The following PIDD1 variants were observed in gnomAD, a reference collection of about 807,000 sequenced individuals.
PIDD1 encodes the protein p53-induced death domain protein 1.
Under a neutral mutation model 80.0 loss-of-function variants are expected in PIDD1, and 72 were observed. The observed-to-expected ratio is 0.90, with a 90% CI of 0.74 to 1.09. The LOEUF (loss-of-function observed/expected upper bound fraction) is 1.09. Among genes scored for constraint, PIDD1 ranks in the 50% least tolerant of loss-of-function variants. PIDD1 has a pLI of 0.00. For missense variants in PIDD1, 1,329 were observed against 1,228.3 expected (o/e 1.08, Z -1.23); for synonymous variants, 655 against 543.5 (o/e 1.21, Z -2.85).
intron 2 of PIDD1, 182 bp downstream of exon 2, chr11:803,912 G>T (rs573251634): frequency 5.6e-6 from 4 of 716,346 alleles, no homozygotes; most frequent in South Asian, 3.8e-5. Flanking sequence ...CACACTGGGG[G>T]TGGTGATCAC....
chr11:801,187 G>C (rs1439724085), intron 9 of PIDD1, 31 bp downstream of exon 9: 2 of 1,543,980 alleles, frequency 1.3e-6, no homozygotes, highest in African/African-American at 2.7e-5. Flanking sequence ...TATGGCCACA[G>C]GTCCAGGTAT....
rs151310463 is a variant in PIDD1 at position 803,447 on chromosome 11, G to T, written c.436C>A (p.Gln146Lys). 4.5e-5 allele frequency: 73 copies of T among 1,613,888 alleles called. No individual in the cohort carries two copies. The highest frequency in any genetic ancestry group is 5.8e-5 in the Non-Finnish European group (68 of 1,180,022). The change falls in exon 3 of 16, where the codon CAG becomes AAG. Residue 146 changes from glutamine (Q) to lysine (K), a missense_variant. By Grantham distance (53) the Gln-to-Lys change is moderately conservative. Transcript: ENST00000347755. Reference sequence around the variant, plus strand: ...AAGAGCGCACCCAGACCTCGCATCTGCAGGACACAGGCCGGCAGTGTCTCC... The same window carrying T: ...AAGAGCGCACCCAGACCTCGCATCTTCAGGACACAGGCCGGCAGTGTCTCC... ...SLETLPACVL[Q>K]MRGLGALLLS...
chr11:799,856 C>G lies in PIDD1; in HGVS notation c.2433G>C (p.Gly811=). 2 of 1,609,060 alleles carry G rather than the reference C, an allele frequency of 1.2e-6. No homozygotes were observed. Among genetic ancestry groups the G allele is most frequent in the Non-Finnish European group, 1.7e-6 (2 of 1,178,606 alleles). ...TGCGCTGCACCTCCCGGTAGGACACCCCCAGGTGCAGGGCCACGGCTGGCC... is the reference window on the plus strand; with the variant it reads ...TGCGCTGCACCTCCCGGTAGGACACGCCCAGGTGCAGGGCCACGGCTGGCC... ...LDWPAVALHL[G]VSYREVQRIR... The change falls in exon 15 of 16, where the codon GGG becomes GGC. Residue 811 remains glycine, a synonymous_variant. Coordinates refer to ENST00000347755, the MANE Select transcript of PIDD1 (RefSeq NM_145886.4).
At chr11:807,486 T>TA (rs1477117746), upstream of PIDD1, among the ~76,000 whole-genome samples, 4 of 112,360 alleles carry the variant, frequency 3.6e-5, no homozygotes, top group African/African-American at 7.1e-5. Flanking sequence ...CTCAAAAAAA[T>TA]AAAAAAATAG....
In PIDD1 at chr11:804,204, A is replaced by G. The variant is rs1224349761; in HGVS notation, c.185T>C (p.Leu62Pro). 6.2e-7 allele frequency: 1 copy of G among 1,613,300 alleles called. No homozygotes were observed. The highest frequency in any genetic ancestry group is 1.7e-5 in the Admixed American group (1 of 60,010). ...HLCVQQPLQL[L>P]QVEFLRLSTH... ...GCTCAGACGCAAGAATTCCACCTGC[A>G]GCAGCTGCAGAGGCTGCTGGACACA... The change falls in exon 2 of 16, where the codon CTG becomes CCG. Residue 62 changes from leucine (L) to proline (P), a missense_variant. Physicochemically the swap from Leu to Pro is moderately conservative, Grantham distance 98. Transcript: ENST00000347755.
upstream of PIDD1, among the ~76,000 whole-genome samples, chr11:806,734 C>G (rs1396715725): frequency 1.3e-5 from 2 of 152,002 alleles, no homozygotes; most frequent in South Asian, 4.1e-4. Flanking sequence ...AGGCGCCCAC[C>G]ACCACGCCCG....
In PIDD1 at chr11:805,206, G is replaced by A. The variant is rs60508304; in HGVS notation, c.-103C>T. On this transcript the variant is annotated 5_prime_UTR_variant, in exon 1 of 16. Transcript: ENST00000347755. ...GCGCTGCAGGCGGCGCGCAAAGGGTGGCTGCTCAGCGGGCGCTCGGCGCCT... is the reference window on the plus strand; with the variant it reads ...GCGCTGCAGGCGGCGCGCAAAGGGTAGCTGCTCAGCGGGCGCTCGGCGCCT... The A allele has an allele frequency of 3.1e-6, 3 of 983,132 alleles. No individual in the cohort carries two copies. The highest frequency in any genetic ancestry group is 2.4e-6 in the Non-Finnish European group (2 of 828,000). The allele number at this position is 983,132 out of a possible 1,614,324, so 60.9% of individuals were successfully genotyped here.
chr11:800,824 T>C lies in PIDD1; in HGVS notation c.1855A>G (p.Ile619Val). 1.3e-6 allele frequency: 2 copies of C among 1,564,360 alleles called. No individual in the cohort carries two copies. The highest frequency in any genetic ancestry group is 1.7e-6 in the Non-Finnish European group (2 of 1,154,940). The change falls in exon 11 of 16, where the codon ATC becomes GTC. Residue 619 changes from isoleucine (I) to valine (V), a missense_variant. Ile to Val is a conservative substitution (Grantham distance 29, BLOSUM62 3). Transcript: ENST00000347755. Reference sequence around the variant, plus strand: ...GGGTCCCGGCGCCGCTGCAGAGCGATGAGGTTCACACGGTGCAGCCGCAGC... The same window carrying C: ...GGGTCCCGGCGCCGCTGCAGAGCGACGAGGTTCACACGGTGCAGCCGCAGC... Reference protein sequence around the residue: ...ERLRLHRVNLIALQRRRDPEQ... With the variant: ...ERLRLHRVNLVALQRRRDPEQ...
At chr11:809,228 C>T (rs1420051341), upstream of PIDD1, among the ~76,000 whole-genome samples, 1 of 152,258 alleles carries the variant, frequency 6.6e-6, no homozygotes, top group African/African-American at 2.4e-5. Context: ...GCCAAAGCGG[C>T]CAGCGCAGGG....
rs1474391375 is a variant in PIDD1 at position 801,077 on chromosome 11, G to A, written c.1674C>T (p.Ala558=). ...TGTCATCCCAGGTGGCTGCAGGAGG[G>A]GCCCAGTACAACAGGTGCAGGCGGG... The part of the protein sequence containing the change: ...DRSRLHLLYW[A]PPAATWDDIT... The change falls in exon 10 of 16, where the codon GCC becomes GCT. Residue 558 remains alanine (A), a synonymous_variant. Transcript: ENST00000347755. 3 of 1,596,404 alleles carry A rather than the reference G, an allele frequency of 1.9e-6. No individual in the cohort carries two copies. The highest frequency in any genetic ancestry group is 2.6e-6 in the Non-Finnish European group (3 of 1,170,848).
intron 2 of PIDD1, 89 bp downstream of exon 2, chr11:804,005 G>T: frequency 1.4e-6 from 2 of 1,412,492 alleles, no homozygotes; most frequent in Non-Finnish European, 9.5e-7. Flanking sequence ...TGGAGCTGGG[G>T]CTGGGACTGG....
intron 1 of PIDD1, 120 bp from the exon 2 acceptor site, chr11:804,583 G>A (rs1035311321): frequency 3.8e-6 from 4 of 1,043,988 alleles, no homozygotes; most frequent in African/African-American, 1.6e-5. Context: ...GGGCTGCAGA[G>A]TGGGGGAGAC....
Position 801,165 on chromosome 11 carries a change from C to A in PIDD1, c.1631-45G>T, listed in dbSNP as rs368057016. The A allele has an allele frequency of 6.6e-4, 1,024 of 1,544,786 alleles. 2 individuals are homozygous for A. Among genetic ancestry groups the A allele is most frequent in the Non-Finnish European group, 8.2e-4 (933 of 1,142,880 alleles). ...CGAGCTGAGGCCTCCTGGCCGGAGA[C>A]CCCCTCCACCCTATGGCCACAGGTC... On this transcript the variant is annotated intron_variant, in intron 9 of 15. Transcript: ENST00000347755.
upstream of PIDD1, among the ~76,000 whole-genome samples, chr11:807,771 A>C (rs990402536): frequency 2.6e-4 from 40 of 152,250 alleles, no homozygotes; most frequent in African/African-American, 9.1e-4. Flanking sequence ...AGCAAGACTC[A>C]GTCTCAAAAA....
At chr11:802,940 C>G in intron 3 of PIDD1, 49 bp from the exon 4 acceptor site, 2 of 1,459,896 alleles carry the variant, frequency 1.4e-6, no homozygotes, top group Non-Finnish European at 1.9e-6. Context: ...GCCCACGGCG[C>G]TGGGACACTC....
At chr11:806,313 A>AT (rs1306540822), upstream of PIDD1, among the ~76,000 whole-genome samples, 2 of 151,184 alleles carry the variant, frequency 1.3e-5, no homozygotes, top group Admixed American at 1.3e-4. Flanking sequence ...TCCTGAGGTC[A>AT]TATCAGCGGC....
At chr11:806,996 A>T (rs1363524428), upstream of PIDD1, among the ~76,000 whole-genome samples, 1 of 152,218 alleles carries the variant, frequency 6.6e-6, no homozygotes, top group African/African-American at 2.4e-5. Context: ...GTTCAAGCCC[A>T]GTCTGGCCAA....
At chr11:805,332 C>G (rs530692242), upstream of PIDD1, 24 of 595,664 alleles carry the variant, frequency 4.0e-5, no homozygotes, top group South Asian at 1.6e-3. Context: ...CTGGGGTCCA[C>G]GGGGGAGGTC....
intron 3 of PIDD1, 83 bp downstream of exon 3, chr11:803,091 G>T: frequency 9.1e-7 from 1 of 1,096,590 alleles, no homozygotes; most frequent in Non-Finnish European, 1.3e-6. Context: ...CAAGCCTGTG[G>T]GTGCAGAGGC....
Sources: gnomAD v4.1 joint callset for allele counts (sites outside exome capture counted in the v4.1 genomes callset) on GRCh38, gnomAD v4.1.1 for gene constraint, MANE v1.5 for transcripts, NCBI Gene and HGNC (gene_info 2026-07-23, HGNC 2026-07-21) for gene names.